The following PDE8B variants were observed in gnomAD, a reference collection of about 807,000 sequenced individuals.
PDE8B encodes phosphodiesterase 8B.
PDE8B carries 26 observed loss-of-function variants against 101.3 expected under a neutral mutation model. The observed-to-expected ratio is 0.26, with a 90% CI of 0.19 to 0.36. The LOEUF (loss-of-function observed/expected upper bound fraction) is 0.36, where lower values mean the gene tolerates loss of function less well. PDE8B is among the 10% of genes least tolerant of loss of function. The pLI, the probability that PDE8B is intolerant of heterozygous loss-of-function variation, is 1.00. For synonymous variants in PDE8B, 424 were observed against 429.3 expected, an observed-to-expected ratio of 0.99 and a Z score of 0.15; for missense variants, 810 against 1,163.1, an observed-to-expected ratio of 0.70 and a Z score of 4.42.
chr5:77,350,585 G>A (rs1040588978), intron 8 of PDE8B, among the ~76,000 whole-genome samples: 7 of 151,962 alleles, frequency 4.6e-5, no homozygotes, highest in Non-Finnish European at 1.0e-4. Flanking sequence ...TGGGGGGCCC[G>A]TAGGATGTTA....
intron 10 of PDE8B, among the ~76,000 whole-genome samples, chr5:77,380,931 CTG>C (rs1175257432): frequency 2.0e-5 from 3 of 152,162 alleles, no homozygotes; most frequent in African/African-American, 4.8e-5. Context: ...AGAGGAAAGA[CTG>C]TGGACTGGGA....
the PDE8B span, chr5:77,180,576 C>T: frequency 1.3e-6 from 1 of 758,190 alleles, no homozygotes; most frequent in African/African-American, 1.9e-5. Context: ...GAGCCGGCTT[C>T]AGGGCCCCCT....
At chr5:77,383,967 C>CT (rs1194861692) in intron 10 of PDE8B, among the ~76,000 whole-genome samples, 1 of 152,124 alleles carries the variant, frequency 6.6e-6, no homozygotes, top group Admixed American at 6.5e-5. Context: ...TATGCGGGCT[C>CT]TTTTTTGGTT....
the PDE8B span, among the ~76,000 whole-genome samples, chr5:77,095,218 A>G: frequency 6.6e-6 from 1 of 152,196 alleles, no homozygotes; most frequent in African/African-American, 2.4e-5. Context: ...TCTCATAATA[A>G]GCAGATGTCA....
At chr5:77,417,104 A>G (rs560574845) in intron 17 of PDE8B, among the ~76,000 whole-genome samples, 1 of 152,258 alleles carries the variant, frequency 6.6e-6, no homozygotes, top group East Asian at 1.9e-4. Context: ...CCGATATGGT[A>G]GCCATCAGCC....
At chr5:77,238,355 C>T (rs1375636835) in intron 1 of PDE8B, among the ~76,000 whole-genome samples, 1 of 152,114 alleles carries the variant, frequency 6.6e-6, no homozygotes, top group African/African-American at 2.4e-5. Flanking sequence ...TAACATTGAG[C>T]CTATCCAGTT....
the PDE8B span, among the ~76,000 whole-genome samples, chr5:77,163,805 G>A: frequency 6.6e-6 from 1 of 152,184 alleles, no homozygotes; most frequent in African/African-American, 2.4e-5. Flanking sequence ...AAATGTTTAG[G>A]AGTTGATGGT....
At chr5:77,387,029 G>A (rs1476180769) in intron 10 of PDE8B, among the ~76,000 whole-genome samples, 26 of 149,878 alleles carry the variant, frequency 1.7e-4, no homozygotes, top group African/African-American at 5.1e-4. Context: ...GACTACAGGC[G>A]CCCGCCACCG....
At chr5:77,423,011 C>T (rs1371621205) in intron 20 of PDE8B, among the ~76,000 whole-genome samples, 12 of 152,142 alleles carry the variant, frequency 7.9e-5, no homozygotes, top group Admixed American at 7.9e-4. Context: ...CAACCCTTGC[C>T]CCCTTCCCTC....
At chr5:77,317,613 A>G (rs552210907) in intron 2 of PDE8B, among the ~76,000 whole-genome samples, 112 of 152,372 alleles carry the variant, frequency 7.4e-4, no homozygotes, top group South Asian at 6.6e-3. Flanking sequence ...GCTAGAAAAT[A>G]AAAAGCAGAG....
At chr5:77,236,584 A>T (rs1206662102) in intron 1 of PDE8B, among the ~76,000 whole-genome samples, 1 of 152,196 alleles carries the variant, frequency 6.6e-6, no homozygotes, top group Non-Finnish European at 1.5e-5. Flanking sequence ...ATGAGGACCA[A>T]TATTGGACCA....
At position 77,260,159 on chromosome 5, in the gene PDE8B, A is replaced by G. The variant is rs77977461; in HGVS notation, c.339+48895A>G. On this transcript the variant is annotated intron_variant, in intron 1 of 21. Transcript: ENST00000264917. The stretch of plus-strand genomic sequence containing the variant: ...GCAACAAGAGCAAAACTCCATCACA[A>G]AAAAAAAAAAAAAAGAAAAAAAAGA... Among the ~76,000 whole-genome samples the G allele has an allele frequency of 9.3e-3, 319 of 34,344 alleles. 1 individual carries two copies. Among genetic ancestry groups the G allele is most frequent in the African/African-American group, 0.036 (307 of 8,622 alleles). The allele number at this position is 34,344 out of a possible 152,430, so 22.5% of individuals were successfully genotyped here.
intron 10 of PDE8B, among the ~76,000 whole-genome samples, chr5:77,356,172 T>A (rs911605978): frequency 6.6e-6 from 1 of 152,188 alleles, no homozygotes; most frequent in Non-Finnish European, 1.5e-5. Flanking sequence ...CTTCATACAC[T>A]TCTTTGGGCA....
At chr5:77,115,158 T>G in the PDE8B span, 1 of 152,208 alleles carries the variant, frequency 6.6e-6, no homozygotes, top group Non-Finnish European at 1.5e-5. Flanking sequence ...GTGAAAGACA[T>G]GGGAAAACAT....
At chr5:77,136,299 T>G in the PDE8B span, among the ~76,000 whole-genome samples, 1 of 152,370 alleles carries the variant, frequency 6.6e-6, no homozygotes, top group Admixed American at 6.5e-5. Flanking sequence ...GTTTTTGTTT[T>G]GTTTTGTTTG....
intron 18 of PDE8B, 41 bp downstream of exon 18, chr5:77,418,487 T>A (rs2151159076): frequency 7.0e-7 from 1 of 1,435,824 alleles, no homozygotes; most frequent in Middle Eastern, 1.7e-4. Context: ...TTTGTGAAGT[T>A]TAAGTGGTTT....
chr5:77,201,489 T>C, the PDE8B span, among the ~76,000 whole-genome samples: 1 of 152,218 alleles, frequency 6.6e-6, no homozygotes, highest in Admixed American at 6.5e-5. Flanking sequence ...GTGTCAGCAC[T>C]GGCTTTGGGT....
At chr5:77,374,585 A>G (rs1423429230) in intron 10 of PDE8B, among the ~76,000 whole-genome samples, 1 of 152,182 alleles carries the variant, frequency 6.6e-6, no homozygotes, top group African/African-American at 2.4e-5. Context: ...ACTTAGCCTA[A>G]TATGGTACCA....
At chr5:77,094,487 G>C in the PDE8B span, among the ~76,000 whole-genome samples, 1 of 152,090 alleles carries the variant, frequency 6.6e-6, no homozygotes, top group Non-Finnish European at 1.5e-5. Context: ...TGTATTTTGT[G>C]TAGAGACAGA....
Sources: gnomAD v4.1 joint callset for allele counts (sites outside exome capture counted in the v4.1 genomes callset) on GRCh38, gnomAD v4.1.1 for gene constraint, MANE v1.5 for transcripts, NCBI Gene and HGNC (gene_info 2026-07-23, HGNC 2026-07-21) for gene names.